The following HPSE2 variants were observed in gnomAD, a reference collection of about 807,000 sequenced individuals.
HPSE2 encodes the protein inactive heparanase-2.
HPSE2 carries 38 observed loss-of-function variants against 60.5 expected under a neutral mutation model. That is an observed-to-expected ratio of 0.63 (90% CI 0.48 to 0.82). The LOEUF is 0.82. HPSE2 is among the 40% of genes least tolerant of loss of function. HPSE2 has a pLI of 0.00. For synonymous variants in HPSE2, 295 were observed against 293.2 expected, an observed-to-expected ratio of 1.01 and a Z score of -0.06; for missense variants, 713 against 740.4, an observed-to-expected ratio of 0.96 and a Z score of 0.43.
intron 9 of HPSE2, among the ~76,000 whole-genome samples, chr10:98,553,130 C>T (rs900230372): frequency 6.6e-6 from 1 of 152,114 alleles, no homozygotes; most frequent in African/African-American, 2.4e-5. Context: ...CACTTGTTTC[C>T]AGATTACTAA....
chr10:99,074,256 T>C (rs1340271890), intron 3 of HPSE2, among the ~76,000 whole-genome samples: 1 of 152,190 alleles, frequency 6.6e-6, no homozygotes, highest in African/African-American at 2.4e-5. Flanking sequence ...ATTGAGTTTT[T>C]ATCATAAAAG....
chr10:98,821,995 C>G (rs1005696561), intron 3 of HPSE2, among the ~76,000 whole-genome samples: 1 of 152,118 alleles, frequency 6.6e-6, no homozygotes, highest in Non-Finnish European at 1.5e-5. Context: ...ATAACAATTG[C>G]ATTTTTTGCC....
intron 3 of HPSE2, among the ~76,000 whole-genome samples, chr10:99,124,357 A>C (rs969654397): frequency 8.5e-5 from 13 of 152,158 alleles, no homozygotes; most frequent in African/African-American, 2.9e-4. Flanking sequence ...CCTGGCCCCC[A>C]TGCTTCAGGC....
At chr10:99,234,387 G>C (rs559538191) in intron 1 of HPSE2, among the ~76,000 whole-genome samples, 7 of 152,296 alleles carry the variant, frequency 4.6e-5, no homozygotes, top group Middle Eastern at 3.4e-3. Context: ...CTCGAATTTC[G>C]CAAGGAGTGA....
intron 9 of HPSE2, among the ~76,000 whole-genome samples, chr10:98,502,665 A>C (rs1407822742): frequency 6.6e-6 from 1 of 152,246 alleles, no homozygotes; most frequent in Non-Finnish European, 1.5e-5. Flanking sequence ...CAAGAACCCA[A>C]AAGCAAATGC....
chr10:99,290,032 G>C, the HPSE2 span, among the ~76,000 whole-genome samples: 1 of 151,982 alleles, frequency 6.6e-6, no homozygotes, highest in South Asian at 2.1e-4. Flanking sequence ...GGTAAGCAGG[G>C]GTTGGGCCAA....
chr10:99,084,010 T>G (rs1436440194), intron 3 of HPSE2, among the ~76,000 whole-genome samples: 1 of 144,916 alleles, frequency 6.9e-6, no homozygotes, highest in Non-Finnish European at 1.5e-5. Context: ...TGCCCAGGGT[T>G]TTTTCCCAAG....
chr10:98,531,364 A>G (rs1478052421), intron 9 of HPSE2, among the ~76,000 whole-genome samples: 1 of 152,190 alleles, frequency 6.6e-6, no homozygotes, highest in Non-Finnish European at 1.5e-5. Context: ...CCCCTTTCCG[A>G]TGGGAAAACA....
intron 2 of HPSE2, among the ~76,000 whole-genome samples, chr10:99,164,909 C>G (rs892385321): frequency 3.3e-5 from 5 of 151,552 alleles, no homozygotes; most frequent in Admixed American, 2.6e-4. Flanking sequence ...CATGGTGAAA[C>G]CCCGTCTCTA....
intron 3 of HPSE2, among the ~76,000 whole-genome samples, chr10:99,050,412 T>C (rs983169414): frequency 1.3e-5 from 2 of 152,184 alleles, no homozygotes; most frequent in Admixed American, 6.5e-5. Flanking sequence ...ACAGCCATTA[T>C]GGAAAACAGT....
chr10:98,727,496 T>A (rs998990911), intron 4 of HPSE2, among the ~76,000 whole-genome samples: 3 of 151,744 alleles, frequency 2.0e-5, no homozygotes, highest in Non-Finnish European at 4.4e-5. Flanking sequence ...ACTAAAAATA[T>A]GAAAATTAGC....
At chr10:98,774,335 A>T (rs972679892) in intron 3 of HPSE2, among the ~76,000 whole-genome samples, 1 of 152,102 alleles carries the variant, frequency 6.6e-6, no homozygotes, top group Non-Finnish European at 1.5e-5. Flanking sequence ...CAAGCAGAAA[A>T]CAGAAGCTAG....
intron 3 of HPSE2, among the ~76,000 whole-genome samples, chr10:99,128,545 C>T (rs1205452751): frequency 6.6e-6 from 1 of 151,878 alleles, no homozygotes; most frequent in Non-Finnish European, 1.5e-5. Flanking sequence ...CATGGATGAA[C>T]CTGGAAGCCA....
chr10:99,170,430 A>G (rs752406932), intron 2 of HPSE2, among the ~76,000 whole-genome samples: 1 of 152,182 alleles, frequency 6.6e-6, no homozygotes, highest in Non-Finnish European at 1.5e-5. Flanking sequence ...ACTATAGTTT[A>G]ATCTCCAGAA....
chr10:98,511,665 T>C (rs1417658470), intron 9 of HPSE2, among the ~76,000 whole-genome samples: 1 of 151,686 alleles, frequency 6.6e-6, no homozygotes, highest in Non-Finnish European at 1.5e-5. Flanking sequence ...TTTCTTGAGA[T>C]CAGGGCCTGT....
chr10:98,675,539 T>TACACACAC (rs774393556), intron 6 of HPSE2, among the ~76,000 whole-genome samples: 2,501 of 121,556 alleles, frequency 0.021, 32 homozygotes, highest in African/African-American at 0.031. Context: ...GATCCCTGTC[T>TACACACAC]ACACACACAC....
chr10:98,836,010 C>A (rs1237199710), intron 3 of HPSE2, among the ~76,000 whole-genome samples: 2 of 152,096 alleles, frequency 1.3e-5, no homozygotes, highest in South Asian at 4.2e-4. Flanking sequence ...TTACAGCAAT[C>A]GATCAAAAGG....
intron 3 of HPSE2, among the ~76,000 whole-genome samples, chr10:98,952,893 A>T (rs1231404496): frequency 1.3e-5 from 2 of 152,122 alleles, no homozygotes; most frequent in Non-Finnish European, 2.9e-5. Context: ...TACCTCCTAA[A>T]ATCTCTGTCT....
In HPSE2 at chr10:99,117,417, GAAAAAAAAAAAAAAA is replaced by G. The variant is rs1157232317; in HGVS notation, c.610+26806_610+26820del. Among the ~76,000 whole-genome samples the G allele has an allele frequency of 2.3e-3, 57 of 24,818 alleles. 1 individual carries two copies. Among genetic ancestry groups the G allele is most frequent in the Admixed American group, 4.1e-3 (5 of 1,222 alleles). The allele number at this position is 24,818 out of a possible 152,430, so 16.3% of individuals were successfully genotyped here. ...CAGCAAATCCAAGAGTTGTTTTTTT[GAAAAAAAAAAAAAAA>G]AAAAAAAAAAAAAAAAACTAATAAA... On this transcript the variant is annotated intron_variant, in intron 3 of 11. Coordinates refer to ENST00000370552, the MANE Select transcript of HPSE2 (RefSeq NM_021828.5).
Sources: gnomAD v4.1 joint callset for allele counts (sites outside exome capture counted in the v4.1 genomes callset) on GRCh38, gnomAD v4.1.1 for gene constraint, MANE v1.5 for transcripts, NCBI Gene and HGNC (gene_info 2026-07-23, HGNC 2026-07-21) for gene names.